The following TRIO variants were observed in gnomAD, a reference collection of about 807,000 sequenced individuals.
TRIO encodes triple functional domain protein.
A neutral mutation model predicts 351.9 loss-of-function variants in TRIO; 58 were observed. The ratio of observed to expected loss-of-function variants is 0.16; its 90% CI spans 0.13 to 0.21. The LOEUF (loss-of-function observed/expected upper bound fraction) is 0.21, where lower values mean the gene tolerates loss of function less well. TRIO is among the 10% of genes least tolerant of loss of function. TRIO has a pLI of 1.00. For synonymous variants in TRIO, 1,758 were observed against 1,595.7 expected (o/e 1.10, Z -2.42); for missense variants, 3,201 against 4,027.8 (o/e 0.79, Z 5.56).
At chr5:14,256,868 A>T (rs1221554685) in intron 1 of TRIO, among the ~76,000 whole-genome samples, 1 of 152,178 alleles carries the variant, frequency 6.6e-6, no homozygotes, top group Non-Finnish European at 1.5e-5. Context: ...AAGAATAAAG[A>T]AGGAAAACTT....
At chr5:14,243,616 C>A (rs779493657) in intron 1 of TRIO, among the ~76,000 whole-genome samples, 1 of 152,024 alleles carries the variant, frequency 6.6e-6, no homozygotes, top group Non-Finnish European at 1.5e-5. Context: ...AAAAATTATT[C>A]CATAGGAGGG....
chr5:14,428,779 G>T (rs16903509), intron 34 of TRIO, among the ~76,000 whole-genome samples: 1 of 152,056 alleles, frequency 6.6e-6, no homozygotes, highest in African/African-American at 2.4e-5. Context: ...AATGAGAAAC[G>T]GTCTTCCCAC....
At chr5:14,469,329 G>GA (rs1754507312) in intron 37 of TRIO, among the ~76,000 whole-genome samples, 1 of 152,032 alleles carries the variant, frequency 6.6e-6, no homozygotes, top group African/African-American at 2.4e-5. Context: ...TATAAGAGAG[G>GA]AAAAAACTGA....
chr5:14,219,625 C>T (rs901875759), intron 1 of TRIO, among the ~76,000 whole-genome samples: 8 of 152,100 alleles, frequency 5.3e-5, no homozygotes, highest in Admixed American at 3.9e-4. Flanking sequence ...CAACCTGGGC[C>T]GGGTCTTCTG....
intron 25 of TRIO, among the ~76,000 whole-genome samples, chr5:14,389,781 A>T (rs1746885341): frequency 6.6e-6 from 1 of 152,176 alleles, no homozygotes; most frequent in African/African-American, 2.4e-5. Context: ...GGAACTGAAG[A>T]AGCAACAGAA....
chr5:14,421,001 T>C (rs1298233017), intron 34 of TRIO, among the ~76,000 whole-genome samples: 1 of 152,112 alleles, frequency 6.6e-6, no homozygotes, highest in African/African-American at 2.4e-5. Flanking sequence ...GAGGTTGGGT[T>C]TTTGAATGTT....
intron 49 of TRIO, among the ~76,000 whole-genome samples, chr5:14,493,905 C>G (rs568846062): frequency 6.6e-6 from 1 of 152,350 alleles, no homozygotes; most frequent in African/African-American, 2.4e-5. Flanking sequence ...GAAGATCAAA[C>G]CAGCCACAAC....
In TRIO at chr5:14,296,926, A is replaced by T. The variant is rs1050919188; in HGVS notation, c.1177-146A>T. 5 of 555,494 alleles carry T rather than the reference A, an allele frequency of 9.0e-6. No homozygotes were observed. In the African/African-American group the frequency reaches 9.3e-5, roughly 10 times the overall value. 34.4% of individuals were successfully genotyped at this position (555,494 alleles called of 1,614,324 possible). ...GAAATCTAGAGAGCAAATATGTATA[A>T]TATTATATATATCAGGTGATGCTCC... On this transcript the variant is annotated intron_variant, in intron 6 of 56. Transcript: ENST00000344204.
In TRIO at chr5:14,291,166, G is replaced by A. The variant is rs1736870989; in HGVS notation, c.991G>A (p.Val331Met). ...TRQHLHQMWH[V>M]RKLKLDQCFQ... The stretch of plus-strand genomic sequence containing the variant: ...GCAGCATCTGCACCAGATGTGGCAT[G>A]TGAGGAAGCTGAAGCTGGACCAGTG... Residue 331 changes from valine (V) to methionine (M), a missense_variant, in exon 5 of 57, where the codon GTG becomes ATG. Physicochemically the swap from Val to Met is conservative, Grantham distance 21. Coordinates refer to ENST00000344204, the MANE Select transcript of TRIO (RefSeq NM_007118.4). 1.2e-6 allele frequency: 2 copies of A among 1,614,088 alleles called. No individual in the cohort carries two copies. Among genetic ancestry groups the A allele is most frequent in the Admixed American group, 3.3e-5 (2 of 60,008 alleles).
Position 14,508,594 on chromosome 5 carries a change from C to T in TRIO, c.*172C>T, listed in dbSNP as rs1045757387. The T allele has an allele frequency of 3.7e-6, 3 of 808,116 alleles. No individual in the cohort carries two copies. Among genetic ancestry groups the T allele is most frequent in the East Asian group, 2.7e-5 (1 of 36,800 alleles). 50.1% of individuals were successfully genotyped at this position (808,116 alleles called of 1,614,324 possible). ...TGCTTGGACACAGAGCTGCAAGCTG[C>T]GCTGGGGTGGAGGACCGTCACTTAC... On this transcript the variant is annotated 3_prime_UTR_variant, in exon 57 of 57. Transcript: ENST00000344204.
intron 1 of TRIO, among the ~76,000 whole-genome samples, chr5:14,248,186 A>C (rs958602061): frequency 1.6e-4 from 24 of 152,176 alleles, no homozygotes; most frequent in African/African-American, 5.3e-4. Context: ...GAAATCATAG[A>C]GTTAGAACTT....
rs79927462 is a variant in TRIO, at chr5:14,472,013, G to A, written c.5912+547G>A. 6.6e-3 allele frequency among the ~76,000 whole-genome samples: 1,003 copies of A among 152,294 alleles called. 8 individuals carry two copies. Among genetic ancestry groups the A allele is most frequent in the African/African-American group, 0.023 (945 of 41,544 alleles). ...TCCGATGGTGTTGGGCACATGAGAG[G>A]TGCCAGGTTGATGTTGGTTGAATGA... On this transcript the variant is annotated intron_variant, in intron 38 of 56. Coordinates refer to ENST00000344204, the MANE Select transcript of TRIO (RefSeq NM_007118.4).
chr5:14,222,142 CT>C lies in TRIO; in HGVS notation c.158-48669del, dbSNP rs34968826. The stretch of plus-strand genomic sequence containing the variant: ...AGATGATGTTAGCACTTTTTCTTTT[CT>C]TTTTTTTTTTTTTAGCAATAAAGTA... On this transcript the variant is annotated intron_variant, in intron 1 of 56. Coordinates refer to ENST00000344204, the MANE Select transcript of TRIO (RefSeq NM_007118.4). 8.6e-3 allele frequency among the ~76,000 whole-genome samples: 1,215 copies of C among 141,354 alleles called. 10 individuals carry two copies. The highest frequency in any genetic ancestry group is 0.028 in the East Asian group (136 of 4,916). The allele number at this position is 141,354 out of a possible 152,430, so 92.7% of individuals were successfully genotyped here.
chr5:14,391,656 A>G (rs1209009011), intron 27 of TRIO, among the ~76,000 whole-genome samples: 5 of 152,248 alleles, frequency 3.3e-5, no homozygotes, highest in Admixed American at 2.6e-4. Flanking sequence ...ATGTGCCAAT[A>G]CATTTTGATT....
At chr5:14,326,770 G>T (rs779622429) in intron 9 of TRIO, among the ~76,000 whole-genome samples, 18 of 152,170 alleles carry the variant, frequency 1.2e-4, no homozygotes, top group South Asian at 2.1e-4. Flanking sequence ...TGTTTTAAAT[G>T]GGAAGATTTC....
chr5:14,219,703 C>T (rs1431997438), intron 1 of TRIO, among the ~76,000 whole-genome samples: 1 of 152,064 alleles, frequency 6.6e-6, no homozygotes, highest in African/African-American at 2.4e-5. Context: ...TCCTCAGCAC[C>T]AGCTGAGGCA....
chr5:14,486,855 G>A (rs541112538), intron 47 of TRIO, among the ~76,000 whole-genome samples: 4 of 152,210 alleles, frequency 2.6e-5, no homozygotes, highest in African/African-American at 9.6e-5. Context: ...TGGGGCTGGG[G>A]CTGGGGGGCT....
intron 11 of TRIO, among the ~76,000 whole-genome samples, chr5:14,343,411 C>T (rs144498325): frequency 0.017 from 2,664 of 152,308 alleles, 87 homozygotes; most frequent in African/African-American, 0.061. Context: ...GATATCTAAC[C>T]CCTGCTCCAT....
chr5:14,491,554 G>C (rs948929379), intron 48 of TRIO, among the ~76,000 whole-genome samples: 2 of 152,206 alleles, frequency 1.3e-5, no homozygotes, highest in African/African-American at 4.8e-5. Context: ...CAGAACCATA[G>C]GCCACGCGCT....
Sources: gnomAD v4.1 joint callset for allele counts (sites outside exome capture counted in the v4.1 genomes callset) on GRCh38, gnomAD v4.1.1 for gene constraint, MANE v1.5 for transcripts, NCBI Gene and HGNC (gene_info 2026-07-23, HGNC 2026-07-21) for gene names.